Variants in MRS2 observed in about 807,000 individuals in gnomAD.
MRS2 encodes magnesium transporter MRS2 homolog, mitochondrial.
MRS2 carries 40 observed loss-of-function variants against 52.6 expected under a neutral mutation model. The observed-to-expected ratio is 0.76, with a 90% CI of 0.59 to 0.99. The LOEUF (loss-of-function observed/expected upper bound fraction) is 0.99, where lower values mean the gene tolerates loss of function less well. Ranked by LOEUF, MRS2 falls within the 50% of genes least tolerant of loss-of-function variation. The pLI is 0.00. For missense variants in MRS2, 472 were observed against 532.7 expected (o/e 0.89, Z 1.12); for synonymous variants, 193 against 195.9 (o/e 0.98, Z 0.13).
At chr6:24,412,504 C>G in intron 5 of MRS2, 109 bp downstream of exon 5, 1 of 781,676 alleles carries the variant, frequency 1.3e-6, no homozygotes. Context: ...TGACCACATC[C>G]TGCCCCGAAA....
At chr6:24,414,963 A>G (rs1737465729) in intron 5 of MRS2, 70 bp from the exon 6 acceptor site, 5 of 1,360,496 alleles carry the variant, frequency 3.7e-6, no homozygotes, top group Non-Finnish European at 4.0e-6. Flanking sequence ...ATTTAATCAG[A>G]GGATTCACTG....
intron 9 of MRS2, 42 bp downstream of exon 9, chr6:24,418,620 C>T (rs755713650): frequency 1.8e-5 from 26 of 1,466,990 alleles, no homozygotes; most frequent in Admixed American, 3.4e-5. Flanking sequence ...GGGTTTTGGC[C>T]GGGCATGGTG....
intron 5 of MRS2, among the ~76,000 whole-genome samples, chr6:24,413,349 A>G (rs1761730472): frequency 6.6e-6 from 1 of 152,082 alleles, no homozygotes; most frequent in African/African-American, 2.4e-5. Flanking sequence ...TGGGATACAC[A>G]TTCTTCTTCC....
chr6:24,423,506 T>C, intron 10 of MRS2, 78 bp from the exon 11 acceptor site: 2 of 708,370 alleles, frequency 2.8e-6, no homozygotes, highest in Non-Finnish European at 4.8e-6. Context: ...CTTCACTGAG[T>C]AGTTACATAA....
intron 1 of MRS2, among the ~76,000 whole-genome samples, chr6:24,404,464 A>ATTTCT (rs1761394756): frequency 6.6e-6 from 1 of 152,178 alleles, no homozygotes; most frequent in African/African-American, 2.4e-5. Context: ...AAAGATCAGA[A>ATTTCT]ATAGGTTTTT....
At chr6:24,411,230 GA>G (rs1365412213) in intron 4 of MRS2, among the ~76,000 whole-genome samples, 1 of 151,392 alleles carries the variant, frequency 6.6e-6, no homozygotes, top group East Asian at 1.9e-4. Flanking sequence ...TAGAATGTTG[GA>G]AAAATGTAAA....
intron 7 of MRS2, among the ~76,000 whole-genome samples, chr6:24,417,543 G>T (rs1761891033): frequency 6.6e-6 from 1 of 152,168 alleles, no homozygotes; most frequent in Non-Finnish European, 1.5e-5. Context: ...ATGTAATACA[G>T]TGACACCAAC....
chr6:24,417,226 A>T (rs1761882237), intron 7 of MRS2, among the ~76,000 whole-genome samples: 1 of 152,196 alleles, frequency 6.6e-6, no homozygotes, highest in Admixed American at 6.5e-5. Context: ...TGCTTAGGCC[A>T]ATCTGTCAAT....
In MRS2 at chr6:24,424,868, T is replaced by C. The variant is rs940445570; in HGVS notation, c.*1174T>C. 2.0e-5 allele frequency: 3 copies of C among 152,128 alleles called. No homozygotes were observed. The highest frequency in any genetic ancestry group is 7.2e-5 in the African/African-American group (3 of 41,426). The allele number at this position is 152,128 out of a possible 1,614,324, so 9.4% of individuals were successfully genotyped here. A position where few individuals can be genotyped will look rare whatever the true frequency, so the allele number is the denominator to read the frequency against. On this transcript the variant is annotated 3_prime_UTR_variant, in exon 11 of 11. Transcript: ENST00000378386. ...GTTTAGGAGTCCATTTTTCAGGTGGTTTGGTGATAGGAATAAAAATGTTAC... is the reference window on the plus strand; with the variant it reads ...GTTTAGGAGTCCATTTTTCAGGTGGCTTGGTGATAGGAATAAAAATGTTAC...
chr6:24,411,303 A>G (rs1331933246), intron 4 of MRS2, among the ~76,000 whole-genome samples: 2 of 152,180 alleles, frequency 1.3e-5, no homozygotes, highest in Non-Finnish European at 2.9e-5. Flanking sequence ...TCTACTTTTA[A>G]CATACAAGAT....
At position 24,418,329 on chromosome 6, in the gene MRS2, TATC is replaced by T. The variant is rs1369170661; in HGVS notation, c.989+97_989+99del. On this transcript the variant is annotated intron_variant, in intron 8 of 10. Coordinates refer to ENST00000378386, the MANE Select transcript of MRS2 (RefSeq NM_020662.4). ...ATTTTGTGAGGAATTACGCCATCAT[TATC>T]ATCTATACTACATTATTATTATTTT... 32 of 1,494,458 alleles carry T rather than the reference TATC, an allele frequency of 2.1e-5. 1 individual carries two copies. In the African/African-American group the frequency reaches 2.4e-4, roughly 11 times the overall value. The allele number at this position is 1,494,458 out of a possible 1,614,324, so 92.6% of individuals were successfully genotyped here.
At chr6:24,419,809 T>G (rs911667923) in intron 9 of MRS2, among the ~76,000 whole-genome samples, 5 of 152,234 alleles carry the variant, frequency 3.3e-5, no homozygotes, top group South Asian at 2.1e-4. Flanking sequence ...GTCTCTGATA[T>G]AAAATGACCC....
rs764719730 is a variant in MRS2 at position 24,412,307 on chromosome 6, T to C, written c.500T>C (p.Leu167Pro). The C allele has an allele frequency of 4.4e-6, 7 of 1,605,810 alleles. No individual in the cohort carries two copies. The highest frequency in any genetic ancestry group is 6.0e-6 in the Non-Finnish European group (7 of 1,176,330). The change falls in exon 5 of 11, where the codon CTC becomes CCC. Residue 167 changes from leucine (L) to proline (P), a missense_variant. Coordinates refer to ENST00000378386, the MANE Select transcript of MRS2 (RefSeq NM_020662.4). ...TTAGAGCAATGGCTGTTCCGGGAAC[T>C]CCCTTCACAGTTGTCTGGAGAGGGT... ...LNLEQWLFRE[L>P]PSQLSGEGQL... is the part of the protein sequence containing the mutation.
chr6:24,417,393 T>A (rs183892435), intron 7 of MRS2, among the ~76,000 whole-genome samples: 80 of 152,334 alleles, frequency 5.3e-4, no homozygotes, highest in Non-Finnish European at 8.8e-5. Context: ...CAAAAGGAAA[T>A]GGTCTTGACA....
At chr6:24,412,181 ACT>A (rs1581700484) in intron 4 of MRS2, 39 bp from the exon 5 acceptor site, 4 of 1,308,564 alleles carry the variant, frequency 3.1e-6, no homozygotes, top group Non-Finnish European at 4.2e-6. Flanking sequence ...GTGTATATAC[ACT>A]CACATATTTA....
In MRS2 at chr6:24,425,981, T is replaced by TG. The variant is rs1052755785; in HGVS notation, c.*2289dup. 6.6e-6 allele frequency: 1 copy of TG among 152,232 alleles called. No individual in the cohort carries two copies. The allele number at this position is 152,232 out of a possible 1,614,324, so 9.4% of individuals were successfully genotyped here. Reference sequence around the variant, plus strand: ...CAGAGGTGAGCTAATGGATGGTACATGGAGTAGGGACTGCAGAGACCCTAG... The same window carrying TG: ...CAGAGGTGAGCTAATGGATGGTACATGGGAGTAGGGACTGCAGAGACCCTAG... On this transcript the variant is annotated 3_prime_UTR_variant, in exon 11 of 11. Transcript: ENST00000378386.
intron 6 of MRS2, among the ~76,000 whole-genome samples, chr6:24,415,695 A>G (rs191550320): frequency 1.3e-4 from 20 of 152,360 alleles, no homozygotes; most frequent in Non-Finnish European, 7.3e-5. Flanking sequence ...AGTCTGTTCT[A>G]TATTATCACT....
intron 5 of MRS2, among the ~76,000 whole-genome samples, chr6:24,414,103 T>A (rs759528666): frequency 6.6e-6 from 1 of 152,202 alleles, no homozygotes; most frequent in African/African-American, 2.4e-5. Flanking sequence ...TTTTACTTGA[T>A]CCCTCATTAC....
chr6:24,423,202 T>C, intron 10 of MRS2, 152 bp downstream of exon 10: 2 of 612,988 alleles, frequency 3.3e-6, no homozygotes, highest in Non-Finnish European at 5.8e-6. Flanking sequence ...GTCAGTTAAG[T>C]CGGTATTACC....
Sources: gnomAD v4.1 joint callset for allele counts (sites outside exome capture counted in the v4.1 genomes callset) on GRCh38, gnomAD v4.1.1 for gene constraint, MANE v1.5 for transcripts, NCBI Gene and HGNC (gene_info 2026-07-23, HGNC 2026-07-21) for gene names.